Variants in TYR observed in about 807,000 individuals in gnomAD.
TYR encodes the protein tyrosinase.
In TYR, 58 loss-of-function variants were observed where a neutral mutation model predicts 51.5. The observed-to-expected ratio is 1.13, with a 90% CI of 0.91 to 1.40. The LOEUF (loss-of-function observed/expected upper bound fraction) is 1.40. TYR is among the 40% of genes most tolerant of loss of function. The pLI is 0.00. For synonymous variants in TYR, 263 were observed against 235.2 expected, an observed-to-expected ratio of 1.12 and a Z score of -1.08; for missense variants, 732 against 647.4, an observed-to-expected ratio of 1.13 and a Z score of -1.42.
intron 3 of TYR, among the ~76,000 whole-genome samples, chr11:89,229,402 C>T (rs2135283032): frequency 6.6e-6 from 1 of 152,036 alleles, no homozygotes; most frequent in Middle Eastern, 3.4e-3. Flanking sequence ...AAATTGAACG[C>T]TTTTTAAAGA....
chr11:89,235,627 C>T (rs139708501), intron 3 of TYR, among the ~76,000 whole-genome samples: 90 of 152,056 alleles, frequency 5.9e-4, no homozygotes, highest in African/African-American at 2.1e-3. Context: ...ACTTTGAACT[C>T]GTAGGAGTAG....
At chr11:89,204,824 TAAA>T (rs768437651) in intron 2 of TYR, among the ~76,000 whole-genome samples, 3 of 139,990 alleles carry the variant, frequency 2.1e-5, no homozygotes, top group Non-Finnish European at 1.6e-5. Flanking sequence ...ATCCTTGAAT[TAAA>T]AAAAAAAAAA....
chr11:89,293,656 AC>A (rs1944873890), intron 4 of TYR: 1 of 155,674 alleles, frequency 6.4e-6, no homozygotes, highest in South Asian at 2.1e-4. Flanking sequence ...ACATATCAAA[AC>A]TGATTTTCAT....
chr11:89,203,122 T>C (rs1943622256), intron 2 of TYR, among the ~76,000 whole-genome samples: 1 of 152,210 alleles, frequency 6.6e-6, no homozygotes, highest in Non-Finnish European at 1.5e-5. Context: ...AATTAGTACT[T>C]GTTGAGCACC....
At chr11:89,294,218 A>C (rs1248014131) in intron 4 of TYR, 1 of 152,660 alleles carries the variant, frequency 6.6e-6, no homozygotes, top group African/African-American at 2.4e-5. Context: ...TGCCTCTTCG[A>C]CTTTTTTACC....
In TYR at chr11:89,178,460, C is replaced by T; in HGVS notation, c.507C>T (p.Asp169=). The change falls in exon 1 of 5, where the codon GAC becomes GAT. Residue 169 remains aspartate (D), a synonymous_variant. Transcript: ENST00000263321. ...ATGGATCAACACCCATGTTTAACGACATCAATATTTATGACCTCTTTGTCT... is the reference window on the plus strand; with the variant it reads ...ATGGATCAACACCCATGTTTAACGATATCAATATTTATGACCTCTTTGTCT... The part of the protein sequence containing the change: ...MKNGSTPMFN[D]INIYDLFVWM... The T allele has an allele frequency of 1.2e-6, 2 of 1,614,128 alleles. No individual in the cohort carries two copies. Among genetic ancestry groups the T allele is most frequent in the Non-Finnish European group, 1.7e-6 (2 of 1,180,012 alleles).
intron 3 of TYR, among the ~76,000 whole-genome samples, chr11:89,263,645 T>C (rs1944488857): frequency 6.6e-6 from 1 of 152,030 alleles, no homozygotes; most frequent in South Asian, 2.1e-4. Context: ...TTTAGAAAAA[T>C]TGCAAGATAC....
intron 2 of TYR, among the ~76,000 whole-genome samples, chr11:89,206,172 A>G (rs1182532763): frequency 6.6e-6 from 1 of 152,170 alleles, no homozygotes; most frequent in African/African-American, 2.4e-5. Flanking sequence ...TAATACTTAT[A>G]TTAAATGTGA....
At chr11:89,233,360 C>A (rs1473808662) in intron 3 of TYR, among the ~76,000 whole-genome samples, 1 of 140,646 alleles carries the variant, frequency 7.1e-6, no homozygotes, top group Non-Finnish European at 1.5e-5. Flanking sequence ...ACCACTGATA[C>A]CCTGATCCCC....
At chr11:89,210,255 C>G (rs1421727342) in intron 2 of TYR, among the ~76,000 whole-genome samples, 1 of 152,082 alleles carries the variant, frequency 6.6e-6, no homozygotes, top group Non-Finnish European at 1.5e-5. Flanking sequence ...CTAGAATAAC[C>G]AGTGTAGAGA....
At chr11:89,182,486 C>T (rs974112946) in intron 1 of TYR, among the ~76,000 whole-genome samples, 3 of 151,890 alleles carry the variant, frequency 2.0e-5, no homozygotes, top group African/African-American at 7.3e-5. Context: ...TGTGTGCATG[C>T]AAAGAAAGAC....
At chr11:89,185,326 T>A (rs1943356382) in intron 1 of TYR, among the ~76,000 whole-genome samples, 1 of 152,136 alleles carries the variant, frequency 6.6e-6, no homozygotes, top group Admixed American at 6.6e-5. Flanking sequence ...AAATAAGTTC[T>A]AGAAATATAT....
chr11:89,268,169 G>C (rs1186377751), intron 3 of TYR, among the ~76,000 whole-genome samples: 1 of 151,842 alleles, frequency 6.6e-6, no homozygotes, highest in Non-Finnish European at 1.5e-5. Context: ...AGCTCATAGG[G>C]TTGTTCTGAG....
intron 3 of TYR, among the ~76,000 whole-genome samples, chr11:89,277,263 T>C (rs1193508887): frequency 6.6e-6 from 1 of 151,434 alleles, no homozygotes; most frequent in African/African-American, 2.4e-5. Flanking sequence ...AGAAAAAAAA[T>C]TTAGGAATGC....
chr11:89,178,599 T>A lies in TYR; in HGVS notation c.646T>A (p.Leu216Met), dbSNP rs61754363. ...AFLPWHRLFL[L>M]RWEQEIQKLT... ...TCTGCCTTGGCATAGACTCTTCTTG[T>A]TGCGGTGGGAACAAGAAATCCAGAA... The change falls in exon 1 of 5, where the codon TTG becomes ATG. Residue 216 changes from leucine to methionine, a missense_variant. Leu to Met is a conservative substitution (Grantham distance 15). Transcript: ENST00000263321. The A allele has an allele frequency of 9.3e-6, 15 of 1,612,908 alleles. No homozygotes were observed. The Admixed American group carries it at 1.3e-4, about 14-fold the overall frequency.
At chr11:89,221,272 T>A (rs1396644513) in intron 2 of TYR, among the ~76,000 whole-genome samples, 1 of 152,224 alleles carries the variant, frequency 6.6e-6, no homozygotes, top group Admixed American at 6.5e-5. Flanking sequence ...TGTGGAGTGT[T>A]TGTGCCCTGG....
In TYR at chr11:89,227,846, A is replaced by T; in HGVS notation, c.1060A>T (p.Ile354Leu). The change falls in exon 3 of 5, where the codon ATA (isoleucine) becomes TTA (leucine). Residue 354 changes from isoleucine to leucine, a missense_variant. By Grantham distance (5) the Ile-to-Leu change is conservative. Coordinates refer to ENST00000263321, the MANE Select transcript of TYR (RefSeq NM_000372.5). ...AGGATTTGCTAGTCCACTTACTGGG[A>T]TAGCGGATGCCTCTCAAAGCAGCAT... ...LEGFASPLTG[I>L]ADASQSSMHN... The T allele has an allele frequency of 1.2e-6, 2 of 1,613,140 alleles. No homozygotes were observed. The highest frequency in any genetic ancestry group is 1.7e-6 in the Non-Finnish European group (2 of 1,179,630).
At chr11:89,184,000 C>T (rs538278614) in intron 1 of TYR, among the ~76,000 whole-genome samples, 2 of 152,186 alleles carry the variant, frequency 1.3e-5, no homozygotes, top group South Asian at 4.1e-4. Flanking sequence ...AAGTAACTTG[C>T]CCAAGGCCAT....
chr11:89,229,758 T>C (rs898814817), intron 3 of TYR, among the ~76,000 whole-genome samples: 1 of 151,968 alleles, frequency 6.6e-6, no homozygotes, highest in Non-Finnish European at 1.5e-5. Context: ...AACAATGAAC[T>C]ATCTCAAAAA....
Sources: allele counts gnomAD v4.1 joint callset (sites outside exome capture counted in the v4.1 genomes callset), GRCh38; gene constraint gnomAD v4.1.1; transcripts MANE v1.5; gene names NCBI Gene and HGNC (gene_info 2026-07-23, HGNC 2026-07-21).